Variants in TAFA1 observed in about 807,000 individuals in gnomAD.
TAFA1 encodes the protein chemokine-like protein TAFA-1.
In TAFA1, 4 loss-of-function variants were observed where a neutral mutation model predicts 18.5. That is an observed-to-expected ratio of 0.22 (90% CI 0.11 to 0.49). The LOEUF is 0.49. Ranked by LOEUF, TAFA1 falls within the 20% of genes least tolerant of loss-of-function variation. The pLI is 0.98. For missense variants in TAFA1, 147 were observed against 169.0 expected, an observed-to-expected ratio of 0.87 and a Z score of 0.72; for synonymous variants, 56 against 55.2, an observed-to-expected ratio of 1.01 and a Z score of -0.06.
chr3:68,024,836 T>G (rs1338393991), intron 2 of TAFA1, among the ~76,000 whole-genome samples: 6 of 33,480 alleles, frequency 1.8e-4, no homozygotes, highest in Admixed American at 1.6e-3. Context: ...CACACACAAT[T>G]ATACATTGTT....
intron 2 of TAFA1, among the ~76,000 whole-genome samples, chr3:68,361,820 T>G (rs1239589089): frequency 6.6e-6 from 1 of 152,084 alleles, no homozygotes; most frequent in Non-Finnish European, 1.5e-5. Context: ...ATCTGTGAGA[T>G]TTATCTTATG....
In TAFA1 at chr3:68,237,037, C is replaced by T. The variant is rs537312198; in HGVS notation, c.119-180243C>T. 1.8e-3 allele frequency among the ~76,000 whole-genome samples: 267 copies of T among 152,178 alleles called. 1 individual carries two copies. Among genetic ancestry groups the T allele is most frequent in the Non-Finnish European group, 2.2e-3 (152 of 68,026 alleles). On this transcript the variant is annotated intron_variant, in intron 2 of 4. Coordinates refer to ENST00000478136, the MANE Select transcript of TAFA1 (RefSeq NM_213609.4). ...TATCTCAACATATGTAATGTTACAA[C>T]ACAAGATATACAAGATACATCATTG...
chr3:68,449,828 G>T (rs750704262), intron 3 of TAFA1, among the ~76,000 whole-genome samples: 3 of 152,182 alleles, frequency 2.0e-5, no homozygotes, highest in Non-Finnish European at 2.9e-5. Flanking sequence ...CATGAGTACA[G>T]AGTACTTTTG....
At chr3:68,299,096 G>C (rs2068260700) in intron 2 of TAFA1, among the ~76,000 whole-genome samples, 1 of 152,192 alleles carries the variant, frequency 6.6e-6, no homozygotes, top group Non-Finnish European at 1.5e-5. Context: ...TCCAGGCTGA[G>C]GTGGTCTCAG....
Position 68,285,253 on chromosome 3 carries a change from G to A in TAFA1, c.119-132027G>A, listed in dbSNP as rs141168492. ...ATCTATGCTGGTAGAAGTCAGAATA[G>A]TATTTACTCTGAGAGTACCTGATGA... On this transcript the variant is annotated intron_variant, in intron 2 of 4. Coordinates refer to ENST00000478136, the MANE Select transcript of TAFA1 (RefSeq NM_213609.4). 1.4e-3 allele frequency among the ~76,000 whole-genome samples: 210 copies of A among 152,298 alleles called. 1 individual carries two copies. The highest frequency in any genetic ancestry group is 4.5e-3 in the African/African-American group (189 of 41,556).
At chr3:68,519,970 G>A (rs1382850023) in intron 3 of TAFA1, among the ~76,000 whole-genome samples, 1 of 152,144 alleles carries the variant, frequency 6.6e-6, no homozygotes, top group Non-Finnish European at 1.5e-5. Flanking sequence ...TTCATAATGA[G>A]ATGAAATGAA....
chr3:68,251,848 G>T (rs1026577033), intron 2 of TAFA1, among the ~76,000 whole-genome samples: 1 of 152,154 alleles, frequency 6.6e-6, no homozygotes, highest in Non-Finnish European at 1.5e-5. Flanking sequence ...ATATGTAGGT[G>T]CCAGGAAAGG....
intron 3 of TAFA1, among the ~76,000 whole-genome samples, chr3:68,488,524 G>A (rs986847362): frequency 6.6e-6 from 1 of 152,188 alleles, no homozygotes; most frequent in Non-Finnish European, 1.5e-5. Flanking sequence ...AAAGCACTGA[G>A]ACTTGGGACT....
chr3:68,540,329 G>A (rs1200081427), intron 4 of TAFA1, among the ~76,000 whole-genome samples: 1 of 151,834 alleles, frequency 6.6e-6, no homozygotes, highest in African/African-American at 2.4e-5. Context: ...AGCTTAATGT[G>A]GATTATCCTG....
At chr3:68,028,306 CAAACA>C (rs376127652) in intron 2 of TAFA1, among the ~76,000 whole-genome samples, 8,305 of 151,662 alleles carry the variant, frequency 0.055, 311 homozygotes, top group Non-Finnish European at 0.086. Context: ...TCTCAAAAAA[CAAACA>C]AAACAAAACA....
At chr3:68,307,467 G>C (rs928078692) in intron 2 of TAFA1, among the ~76,000 whole-genome samples, 18 of 152,112 alleles carry the variant, frequency 1.2e-4, no homozygotes, top group Admixed American at 5.9e-4. Context: ...CTGATATTTG[G>C]ATCAGTAACA....
At chr3:68,261,464 A>G (rs2067420450) in intron 2 of TAFA1, among the ~76,000 whole-genome samples, 1 of 152,218 alleles carries the variant, frequency 6.6e-6, no homozygotes, top group Non-Finnish European at 1.5e-5. Flanking sequence ...ATACATGCAC[A>G]TGTATGTTTA....
Position 68,254,192 on chromosome 3 carries a change from G to A in TAFA1, c.119-163088G>A, listed in dbSNP as rs77801479. On this transcript the variant is annotated intron_variant, in intron 2 of 4. Coordinates refer to ENST00000478136, the MANE Select transcript of TAFA1 (RefSeq NM_213609.4). ...ATCTATCTATCTATCTATCTAATCTGTCTATCCATTGAGAAATGAGTATAC... is the reference window on the plus strand; with the variant it reads ...ATCTATCTATCTATCTATCTAATCTATCTATCCATTGAGAAATGAGTATAC... Among the ~76,000 whole-genome samples, 733 of 130,446 alleles carry A rather than the reference G, an allele frequency of 5.6e-3. 4 individuals carry two copies. Among genetic ancestry groups the A allele is most frequent in the African/African-American group, 0.019 (696 of 37,468 alleles). 85.6% of individuals were successfully genotyped at this position (130,446 alleles called of 152,430 possible).
chr3:68,380,217 G>A (rs916614337), intron 2 of TAFA1, among the ~76,000 whole-genome samples: 10 of 152,152 alleles, frequency 6.6e-5, no homozygotes, highest in South Asian at 6.2e-4. Flanking sequence ...GAATACTGCC[G>A]CAATAAACAT....
At chr3:68,474,058 C>T (rs938279143) in intron 3 of TAFA1, among the ~76,000 whole-genome samples, 3 of 149,126 alleles carry the variant, frequency 2.0e-5, no homozygotes, top group Non-Finnish European at 3.0e-5. Context: ...CACCCCCCCC[C>T]CCAAGTAAAT....
At chr3:68,287,912 G>GGA (rs1553668396) in intron 2 of TAFA1, among the ~76,000 whole-genome samples, 2 of 117,340 alleles carry the variant, frequency 1.7e-5, no homozygotes, top group Admixed American at 1.7e-4. Context: ...TTTGTTGGGG[G>GGA]GTGGGGGGGC....
At chr3:68,362,031 G>A (rs2069477116) in intron 2 of TAFA1, among the ~76,000 whole-genome samples, 1 of 152,108 alleles carries the variant, frequency 6.6e-6, no homozygotes, top group Non-Finnish European at 1.5e-5. Context: ...GTCTAGTAGA[G>A]GGAGAAAATG....
chr3:68,400,543 A>G (rs1437054434), intron 2 of TAFA1, among the ~76,000 whole-genome samples: 1 of 152,210 alleles, frequency 6.6e-6, no homozygotes, highest in African/African-American at 2.4e-5. Flanking sequence ...CCTCCCAACT[A>G]TAAGGAGAAC....
intron 3 of TAFA1, among the ~76,000 whole-genome samples, chr3:68,429,901 G>A (rs562646835): frequency 6.6e-6 from 1 of 151,976 alleles, no homozygotes; most frequent in East Asian, 1.9e-4. Context: ...TCACTGTAAT[G>A]TACTATAATC....
Sources: allele counts gnomAD v4.1 joint callset (sites outside exome capture counted in the v4.1 genomes callset), GRCh38; gene constraint gnomAD v4.1.1; transcripts MANE v1.5; gene names NCBI Gene and HGNC (gene_info 2026-07-23, HGNC 2026-07-21).